The following GNPTAB variants were observed in gnomAD, a reference collection of about 807,000 sequenced individuals.
GNPTAB encodes N-acetylglucosamine-1-phosphate transferase subunits alpha and beta.
A neutral mutation model predicts 136.6 loss-of-function variants in GNPTAB; 92 were observed. The ratio of observed to expected loss-of-function variants is 0.67; its 90% CI spans 0.57 to 0.80. GNPTAB has a LOEUF of 0.80. Among genes scored for constraint, GNPTAB ranks in the 30% least tolerant of loss-of-function variants. The probability of loss-of-function intolerance (pLI) is 0.00; values close to 1 mark genes in which losing one functional copy is unlikely to be tolerated. For synonymous variants in GNPTAB, 512 were observed against 535.1 expected (o/e 0.96, Z 0.60); for missense variants, 1,343 against 1,501.8 (o/e 0.89, Z 1.75).
intron 11 of GNPTAB, among the ~76,000 whole-genome samples, chr12:101,767,675 T>C (rs998515460): frequency 6.6e-6 from 1 of 152,136 alleles, no homozygotes; most frequent in Non-Finnish European, 1.5e-5. Flanking sequence ...CAGGTTAGAG[T>C]ACAATGGTGC....
chr12:101,762,939 G>A (rs1468619282), intron 13 of GNPTAB, among the ~76,000 whole-genome samples: 1 of 150,004 alleles, frequency 6.7e-6, no homozygotes, highest in Non-Finnish European at 1.5e-5. Flanking sequence ...AGAGGCCAGA[G>A]GCCAGGCACA....
At chr12:101,802,564 C>T (rs993037323) in intron 1 of GNPTAB, among the ~76,000 whole-genome samples, 1 of 151,632 alleles carries the variant, frequency 6.6e-6, no homozygotes, top group Non-Finnish European at 1.5e-5. Context: ...GAGTCAAAGG[C>T]ATAGAAGGAA....
chr12:101,830,585 T>C lies in GNPTAB; in HGVS notation c.91A>G (p.Ile31Val). 22 of 1,611,768 alleles carry C rather than the reference T, an allele frequency of 1.4e-5. No homozygotes were observed. The highest frequency in any genetic ancestry group is 1.8e-5 in the Non-Finnish European group (21 of 1,178,566). ...TCTCCGAACTGGAAGGCGGAGACGATGGTGACAACGACGCCCAAGAAGCAC... is the reference window on the plus strand; with the variant it reads ...TCTCCGAACTGGAAGGCGGAGACGACGGTGACAACGACGCCCAAGAAGCAC... The part of the protein sequence containing the change: ...YVCFLGVVVT[I>V]VSAFQFGEVV... Residue 31 changes from isoleucine (I) to valine (V), a missense_variant, in exon 1 of 21, where the codon ATC becomes GTC. Ile to Val is a conservative substitution (Grantham distance 29, BLOSUM62 3). Coordinates refer to ENST00000299314, the MANE Select transcript of GNPTAB (RefSeq NM_024312.5).
At chr12:101,819,228 TCTTGAACTC>T (rs912101151) in intron 1 of GNPTAB, among the ~76,000 whole-genome samples, 55 of 152,260 alleles carry the variant, frequency 3.6e-4, no homozygotes, top group Middle Eastern at 3.4e-3. Context: ...GCCAGGCTCG[TCTTGAACTC>T]CTGACCTGAG....
intron 7 of GNPTAB, among the ~76,000 whole-genome samples, chr12:101,772,839 C>A (rs750321329): frequency 2.6e-5 from 4 of 152,234 alleles, no homozygotes; most frequent in African/African-American, 7.2e-5. Context: ...TTTTTTGAGA[C>A]GGAGTCTGAC....
In GNPTAB at chr12:101,766,214, C is replaced by T; in HGVS notation, c.1489G>A (p.Gly497Arg). ...CAGTAAGAGACACTGTTTATTCCTC[C>T]ACCAAACTGCCAGGGCTGTCCAACT... ...IGVGQPWQFG[G>R]GINSVSYCNQ... The change falls in exon 12 of 21, where the codon GGA becomes AGA. Residue 497 changes from glycine (G) to arginine (R), a missense_variant. Coordinates refer to ENST00000299314, the MANE Select transcript of GNPTAB (RefSeq NM_024312.5). The T allele has an allele frequency of 1.2e-6, 2 of 1,614,126 alleles. No individual in the cohort carries two copies. Among genetic ancestry groups the T allele is most frequent in the South Asian group, 1.1e-5 (1 of 91,080 alleles).
chr12:101,753,316 CAT>C, intron 19 of GNPTAB, 54 bp downstream of exon 19: 1 of 1,253,158 alleles, frequency 8.0e-7, no homozygotes, highest in Non-Finnish European at 1.2e-6. Context: ...CATATAGATA[CAT>C]ATGCATGTAT....
chr12:101,797,267 G>A (rs1869349599), intron 1 of GNPTAB, among the ~76,000 whole-genome samples: 1 of 152,086 alleles, frequency 6.6e-6, no homozygotes, highest in African/African-American at 2.4e-5. Flanking sequence ...TTTTAAGGCA[G>A]TTACAGAATC....
Position 101,766,306 on chromosome 12 carries a change from A to G in GNPTAB, c.1409-12T>C. ...CCCTCCACTGTTTCCTGTAGATCGG[A>G]GGAAGAAGAGGGATTCTTGCTGTAA... On this transcript the variant is annotated splice_polypyrimidine_tract_variant and intron_variant, in intron 11 of 20. Transcript: ENST00000299314. 1.2e-6 allele frequency: 2 copies of G among 1,605,716 alleles called. No individual in the cohort carries two copies. Among genetic ancestry groups the G allele is most frequent in the Non-Finnish European group, 1.7e-6 (2 of 1,172,490 alleles).
chr12:101,758,582 T>C (rs530586282), intron 16 of GNPTAB, among the ~76,000 whole-genome samples: 19 of 152,350 alleles, frequency 1.2e-4, no homozygotes, highest in African/African-American at 4.1e-4. Flanking sequence ...ACTTTATTAA[T>C]TTGGTAATGT....
chr12:101,782,434 G>C (rs1343122242), intron 5 of GNPTAB, among the ~76,000 whole-genome samples: 1 of 152,090 alleles, frequency 6.6e-6, no homozygotes, highest in Non-Finnish European at 1.5e-5. Context: ...GAATAAAAAA[G>C]GTGATGATGT....
Position 101,765,118 on chromosome 12 carries a change from A to AG in GNPTAB, c.1798dup (p.Leu600ProfsTer15). The AG allele has an allele frequency of 6.2e-7, 1 of 1,614,176 alleles. No individual in the cohort carries two copies. The highest frequency in any genetic ancestry group is 8.5e-7 in the Non-Finnish European group (1 of 1,180,020). On this transcript the variant is annotated frameshift_variant, in exon 13 of 21. Transcript: ENST00000299314. LOFTEE classifies it high-confidence loss of function. ...GGCATTCATTCCACTGTGCATTATG[A>AG]GGTGGATGGTTTTCCACTTGTTGGC...
At chr12:101,825,514 GTATT>G (rs1871043262) in intron 1 of GNPTAB, among the ~76,000 whole-genome samples, 2 of 152,152 alleles carry the variant, frequency 1.3e-5, no homozygotes, top group Non-Finnish European at 1.5e-5. Context: ...CATCCATCAA[GTATT>G]TATTCAGCAT....
chr12:101,816,824 G>A (rs945844441), intron 1 of GNPTAB, among the ~76,000 whole-genome samples: 1 of 152,172 alleles, frequency 6.6e-6, no homozygotes, highest in African/African-American at 2.4e-5. Context: ...AATGGATAAA[G>A]AAAATGGTTT....
intron 1 of GNPTAB, among the ~76,000 whole-genome samples, chr12:101,807,970 T>C (rs1021353430): frequency 9.9e-5 from 15 of 152,064 alleles, no homozygotes; most frequent in African/African-American, 3.6e-4. Flanking sequence ...AATTGGAATT[T>C]GAAACTAAAA....
intron 7 of GNPTAB, chr12:101,773,311 G>T (rs1041170302): frequency 1.6e-5 from 4 of 249,462 alleles, no homozygotes; most frequent in Admixed American, 9.1e-5. Flanking sequence ...CACCCCCCAT[G>T]CTCTCCACCT....
At chr12:101,751,553 T>C (rs1324033734) in intron 19 of GNPTAB, among the ~76,000 whole-genome samples, 48 of 152,218 alleles carry the variant, frequency 3.2e-4, no homozygotes, top group Non-Finnish European at 5.9e-5. Context: ...GAATGAAAGA[T>C]GAAGAAAACT....
At chr12:101,774,217 A>G (rs1045782201) in intron 7 of GNPTAB, among the ~76,000 whole-genome samples, 1 of 152,242 alleles carries the variant, frequency 6.6e-6, no homozygotes, top group Non-Finnish European at 1.5e-5. Flanking sequence ...TGAGTCAAGG[A>G]AAGACAATAT....
At chr12:101,773,348 G>C (rs1340396448) in intron 7 of GNPTAB, 11 of 294,282 alleles carry the variant, frequency 3.7e-5, no homozygotes, top group South Asian at 2.2e-4. Flanking sequence ...CATTTCCTTG[G>C]TATGCAGAAT....
Sources: gnomAD v4.1 joint callset for allele counts (sites outside exome capture counted in the v4.1 genomes callset) on GRCh38, gnomAD v4.1.1 for gene constraint, MANE v1.5 for transcripts, NCBI Gene and HGNC (gene_info 2026-07-23, HGNC 2026-07-21) for gene names.